PRKG1: variants seen among roughly 807,000 people sequenced by gnomAD.
PRKG1 encodes the protein cGMP-dependent protein kinase 1.
In PRKG1, 35 loss-of-function variants were observed where a neutral mutation model predicts 88.1. The observed-to-expected ratio is 0.40, with a 90% CI of 0.30 to 0.53. The LOEUF is 0.53. Among genes scored for constraint, PRKG1 ranks in the 20% least tolerant of loss-of-function variants. PRKG1 has a pLI of 0.59. For synonymous variants in PRKG1, 303 were observed against 292.5 expected (o/e 1.04, Z -0.37); for missense variants, 540 against 839.8 (o/e 0.64, Z 4.41).
Position 51,153,164 on chromosome 10 carries a change from G to A in PRKG1, c.312G>A (p.Gln104=), listed in dbSNP as rs1846120439. The A allele has an allele frequency of 6.2e-7, 1 of 1,610,462 alleles. No homozygotes were observed. ...VTLPFYPKSP[Q]SKDLIKEAIL... is the part of the protein sequence containing the mutation. ...GTAAATCTTCCCTCTCTTGCCATAGGTCCAAGGATCTTATAAAGGAAGCTA... is the reference window on the plus strand; with the variant it reads ...GTAAATCTTCCCTCTCTTGCCATAGATCCAAGGATCTTATAAAGGAAGCTA... Residue 104 remains glutamine, a splice_region_variant and synonymous_variant, in exon 2 of 18, where the codon CAG becomes CAA. Transcript: ENST00000373980.
At chr10:51,026,562 T>G (rs1419329441) in intron 1 of PRKG1, among the ~76,000 whole-genome samples, 3 of 152,194 alleles carry the variant, frequency 2.0e-5, no homozygotes. Context: ...TGGGAATAAG[T>G]GCACCAAGTG....
At chr10:52,197,499 C>T (rs1453385273) in intron 9 of PRKG1, among the ~76,000 whole-genome samples, 1 of 152,148 alleles carries the variant, frequency 6.6e-6, no homozygotes, top group Non-Finnish European at 1.5e-5. Context: ...AAGAAAAACT[C>T]CGAGGTATAG....
At chr10:51,896,135 G>T (rs1841839374) in intron 4 of PRKG1, among the ~76,000 whole-genome samples, 1 of 152,102 alleles carries the variant, frequency 6.6e-6, no homozygotes, top group Non-Finnish European at 1.5e-5. Flanking sequence ...AAACACATAT[G>T]ATTTGATTTT....
At chr10:51,521,247 C>T (rs766622181) in intron 3 of PRKG1, among the ~76,000 whole-genome samples, 44 of 152,258 alleles carry the variant, frequency 2.9e-4, no homozygotes, top group Non-Finnish European at 6.2e-4. Context: ...AAGATTGTGC[C>T]ACTCCAGTTT....
At chr10:51,838,466 A>G (rs1000697068) in intron 4 of PRKG1, among the ~76,000 whole-genome samples, 1 of 152,210 alleles carries the variant, frequency 6.6e-6, no homozygotes, top group African/African-American at 2.4e-5. Context: ...GGGCAGTTTT[A>G]GCAGAGTTTC....
chr10:51,786,907 T>A (rs576463626), intron 3 of PRKG1, among the ~76,000 whole-genome samples: 2 of 152,182 alleles, frequency 1.3e-5, no homozygotes, highest in East Asian at 3.9e-4. Flanking sequence ...TAGAAATATG[T>A]CCATCCTTAA....
chr10:51,404,845 G>A (rs1837861480), intron 2 of PRKG1, among the ~76,000 whole-genome samples: 1 of 152,106 alleles, frequency 6.6e-6, no homozygotes, highest in Admixed American at 6.6e-5. Flanking sequence ...CTACATCTAT[G>A]CAACTTAAGC....
intron 3 of PRKG1, among the ~76,000 whole-genome samples, chr10:51,511,894 C>T (rs553994519): frequency 1.2e-4 from 18 of 152,178 alleles, no homozygotes; most frequent in Admixed American, 2.6e-4. Flanking sequence ...CAGTGATGGT[C>T]GAATATATAA....
intron 1 of PRKG1, among the ~76,000 whole-genome samples, chr10:51,107,835 A>T (rs1029763583): frequency 6.9e-6 from 1 of 144,246 alleles, no homozygotes; most frequent in African/African-American, 2.6e-5. Flanking sequence ...AAAAAAAAAA[A>T]GATAAAACTT....
At chr10:51,515,329 G>A (rs760634081) in intron 3 of PRKG1, among the ~76,000 whole-genome samples, 1 of 152,102 alleles carries the variant, frequency 6.6e-6, no homozygotes, top group African/African-American at 2.4e-5. Context: ...CAAATTTTAG[G>A]TGGATCATTT....
chr10:51,217,783 C>G (rs1209458927), intron 2 of PRKG1, among the ~76,000 whole-genome samples: 1 of 152,086 alleles, frequency 6.6e-6, no homozygotes, highest in Non-Finnish European at 1.5e-5. Flanking sequence ...TATTTGAATT[C>G]AGATCTGATT....
chr10:52,061,642 T>G (rs1190220291), intron 6 of PRKG1, among the ~76,000 whole-genome samples: 1 of 152,104 alleles, frequency 6.6e-6, no homozygotes, highest in Non-Finnish European at 1.5e-5. Context: ...TTAAAACAAT[T>G]TACAACTATT....
At chr10:51,428,257 T>C (rs186208808) in intron 2 of PRKG1, among the ~76,000 whole-genome samples, 1 of 152,322 alleles carries the variant, frequency 6.6e-6, no homozygotes, top group Non-Finnish European at 1.5e-5. Flanking sequence ...TTAACTGAGG[T>C]AATTTAGGAA....
At position 51,921,965 on chromosome 10, in the gene PRKG1, A is replaced by G. The variant is rs563997853; in HGVS notation, c.762+14395A>G. On this transcript the variant is annotated intron_variant, in intron 5 of 17. Coordinates refer to ENST00000373980, the MANE Select transcript of PRKG1 (RefSeq NM_006258.4). ...AAGTATTCTCTCTCCTATTTGGTGA[A>G]CCAGAATATATAGAATTGGTATTAT... is the stretch of plus-strand genomic sequence containing the variant. Among the ~76,000 whole-genome samples the G allele has an allele frequency of 2.6e-5, 4 of 152,072 alleles. No individual in the cohort carries two copies. In the East Asian group the frequency reaches 7.7e-4, roughly 29 times the overall value.
chr10:51,704,409 A>G (rs1190886530), intron 3 of PRKG1, among the ~76,000 whole-genome samples: 3 of 152,236 alleles, frequency 2.0e-5, no homozygotes, highest in Non-Finnish European at 4.4e-5. Context: ...CATTTTACCA[A>G]GGACGGAGCC....
chr10:51,422,551 C>T lies in PRKG1; in HGVS notation c.479-45172C>T, dbSNP rs181427028. On this transcript the variant is annotated intron_variant, in intron 2 of 17. Transcript: ENST00000373980. ...TGAATTTGGCCAGACTTGGGGGACTCTTCACATACTTTGTCAGCTCCAACT... is the reference window on the plus strand; with the variant it reads ...TGAATTTGGCCAGACTTGGGGGACTTTTCACATACTTTGTCAGCTCCAACT... Among the ~76,000 whole-genome samples, 1,023 of 152,260 alleles carry T rather than the reference C, an allele frequency of 6.7e-3. 14 individuals carry two copies. Among genetic ancestry groups the T allele is most frequent in the African/African-American group, 0.024 (987 of 41,548 alleles).
At chr10:51,799,462 T>C (rs1839107510) in intron 3 of PRKG1, among the ~76,000 whole-genome samples, 2 of 151,974 alleles carry the variant, frequency 1.3e-5, no homozygotes, top group African/African-American at 4.8e-5. Context: ...TGGAAAACAC[T>C]TGTGGTGGTA....
At chr10:51,904,936 A>C (rs973006665) in intron 4 of PRKG1, among the ~76,000 whole-genome samples, 6 of 152,148 alleles carry the variant, frequency 3.9e-5, no homozygotes, top group African/African-American at 9.7e-5. Context: ...CCAGAGCCTA[A>C]AGTAAAATAA....
chr10:51,928,706 T>C (rs1842627893), intron 5 of PRKG1, among the ~76,000 whole-genome samples: 1 of 152,180 alleles, frequency 6.6e-6, no homozygotes, highest in African/African-American at 2.4e-5. Context: ...CACACTGATT[T>C]TGCAATCAGC....
Sources: gnomAD v4.1 joint callset for allele counts (sites outside exome capture counted in the v4.1 genomes callset) on GRCh38, gnomAD v4.1.1 for gene constraint, MANE v1.5 for transcripts, NCBI Gene and HGNC (gene_info 2026-07-23, HGNC 2026-07-21) for gene names.